MECOM: variants seen among roughly 807,000 people sequenced by gnomAD.
The protein encoded by MECOM is histone-lysine N-methyltransferase MECOM.
MECOM carries 13 observed loss-of-function variants against 116.3 expected under a neutral mutation model. The observed-to-expected ratio is 0.11, with a 90% CI of 0.07 to 0.18. The LOEUF (loss-of-function observed/expected upper bound fraction) is 0.18. MECOM is among the 10% of genes least tolerant of loss of function. The pLI is 1.00. For synonymous variants in MECOM, 528 were observed against 535.2 expected (o/e 0.99, Z 0.19); for missense variants, 1,299 against 1,509.0 (o/e 0.86, Z 2.31).
At chr3:169,180,779 T>G (rs1345077264) in intron 2 of MECOM, among the ~76,000 whole-genome samples, 2 of 94,564 alleles carry the variant, frequency 2.1e-5, no homozygotes, top group Non-Finnish European at 4.5e-5. Flanking sequence ...TATGTATGTG[T>G]GTGTGTGTGG....
At chr3:169,107,370 A>G (rs1725774373) in intron 10 of MECOM, among the ~76,000 whole-genome samples, 2 of 152,176 alleles carry the variant, frequency 1.3e-5, no homozygotes, top group Non-Finnish European at 2.9e-5. Flanking sequence ...TAGTAACTGA[A>G]AGTCAAGGAA....
chr3:169,600,473 G>A (rs140551725), intron 1 of MECOM, among the ~76,000 whole-genome samples: 9 of 152,170 alleles, frequency 5.9e-5, no homozygotes, highest in Admixed American at 1.3e-4. Context: ...ACATGCACAC[G>A]TATCCCTAAA....
In MECOM at chr3:169,116,517, T is replaced by C; in HGVS notation, c.1355A>G (p.Asp452Gly). The C allele has an allele frequency of 6.2e-7, 1 of 1,614,152 alleles. No homozygotes were observed. Among genetic ancestry groups the C allele is most frequent in the Non-Finnish European group, 8.5e-7 (1 of 1,180,026 alleles). Reference sequence around the variant, plus strand: ...ACTCATATTAACCATGGACGTTTTATCCATAGCTGGGGTTCCAGGAAGTGA... The same window carrying C: ...ACTCATATTAACCATGGACGTTTTACCCATAGCTGGGGTTCCAGGAAGTGA... ...GISLPGTPAMDKTSMVNMSHA... is the reference protein window; with the variant it reads ...GISLPGTPAMGKTSMVNMSHA... Residue 452 changes from aspartate to glycine, a missense_variant, in exon 8 of 17, where the codon GAT becomes GGT. Physicochemically the swap from Asp to Gly is moderately conservative, Grantham distance 94. Around this residue, in one of 6 missense-constraint regions of MECOM, gnomAD observed 238 missense variants for 273.1 expected, o/e 0.87. Transcript: ENST00000651503.
chr3:169,243,458 A>C (rs541015088), intron 2 of MECOM, among the ~76,000 whole-genome samples: 4 of 152,186 alleles, frequency 2.6e-5, no homozygotes, highest in Admixed American at 6.5e-5. Context: ...TATAAACTCT[A>C]TTCTAGGGTT....
intron 2 of MECOM, among the ~76,000 whole-genome samples, chr3:169,276,323 A>G (rs809198): frequency 0.34 from 51,609 of 152,082 alleles, 14,624 homozygotes; most frequent in African/African-American, 0.78. Flanking sequence ...AGGCCAAGGC[A>G]GGAGGATCAC....
At chr3:169,190,727 T>A (rs1404741405) in intron 2 of MECOM, among the ~76,000 whole-genome samples, 1 of 151,988 alleles carries the variant, frequency 6.6e-6, no homozygotes, top group Non-Finnish European at 1.5e-5. Context: ...TGGTGTCTCA[T>A]CCAACTTACA....
chr3:169,381,228 C>A lies in MECOM; in HGVS notation c.334G>T (p.Glu112Ter). Residue 112 changes from glutamate to a stop codon, truncating the protein, a stop_gained, in exon 2 of 17, where the codon GAG (glutamate) becomes TAG (stop). Coordinates refer to ENST00000651503, the MANE Select transcript of MECOM (RefSeq NM_004991.4). LOFTEE classifies it high-confidence loss of function. ...VGEKFGPYVG[E>*]QRSNLKDPSY... is the part of the protein sequence containing the mutation. The stretch of plus-strand genomic sequence containing the variant: ...GGGTCTTTCAGGTTTGACCTCTGCT[C>A]TCCCACATAAGGCCCAAACTTTTCA... The A allele has an allele frequency of 6.2e-7, 1 of 1,612,976 alleles. No individual in the cohort carries two copies. The highest frequency in any genetic ancestry group is 1.1e-5 in the South Asian group (1 of 91,028).
intron 1 of MECOM, among the ~76,000 whole-genome samples, chr3:169,382,865 TAAAAA>T (rs1194079538): frequency 1.6e-4 from 7 of 44,812 alleles, no homozygotes; most frequent in African/African-American, 4.7e-4. Flanking sequence ...AAAAAAAAAA[TAAAAA>T]AAATAAAAAA....
intron 1 of MECOM, among the ~76,000 whole-genome samples, chr3:169,415,398 A>G (rs1183792414): frequency 1.3e-5 from 2 of 152,240 alleles, no homozygotes; most frequent in Admixed American, 6.5e-5. Flanking sequence ...AAATATAGAA[A>G]GAAAAAACTG....
chr3:169,178,920 T>G (rs1460710605), intron 2 of MECOM, among the ~76,000 whole-genome samples: 1 of 152,164 alleles, frequency 6.6e-6, no homozygotes, highest in Non-Finnish European at 1.5e-5. Context: ...AACATTCAGA[T>G]TAAGCACTAT....
chr3:169,656,557 A>G (rs920827358), intron 1 of MECOM, among the ~76,000 whole-genome samples: 2 of 152,194 alleles, frequency 1.3e-5, no homozygotes, highest in East Asian at 1.9e-4. Context: ...AATGCCGAAG[A>G]GTATGGTTCC....
At chr3:169,381,736 A>C (rs944958606) in intron 1 of MECOM, among the ~76,000 whole-genome samples, 1 of 152,218 alleles carries the variant, frequency 6.6e-6, no homozygotes, top group Non-Finnish European at 1.5e-5. Flanking sequence ...CCATAAATCA[A>C]ATGAGCTAAT....
intron 1 of MECOM, among the ~76,000 whole-genome samples, chr3:169,423,721 G>A (rs992749985): frequency 6.6e-6 from 1 of 152,030 alleles, no homozygotes; most frequent in African/African-American, 2.4e-5. Context: ...TTCTGATGAG[G>A]AGGCTGAGGT....
At chr3:169,099,204 T>A (rs915575466) in intron 12 of MECOM, among the ~76,000 whole-genome samples, 2 of 150,666 alleles carry the variant, frequency 1.3e-5, no homozygotes, top group African/African-American at 2.4e-5. Flanking sequence ...TTTAAAAAAA[T>A]ATATATGCAC....
At chr3:169,401,088 G>T (rs1735816900) in intron 1 of MECOM, among the ~76,000 whole-genome samples, 1 of 152,196 alleles carries the variant, frequency 6.6e-6, no homozygotes. Context: ...TTCCTAGATA[G>T]GCTCTCAGCT....
At chr3:169,523,770 A>T (rs1757629504) in intron 1 of MECOM, among the ~76,000 whole-genome samples, 1 of 151,916 alleles carries the variant, frequency 6.6e-6, no homozygotes, top group Non-Finnish European at 1.5e-5. Context: ...ATTTTTCAAT[A>T]CAAGTATATC....
intron 2 of MECOM, among the ~76,000 whole-genome samples, chr3:169,252,938 G>A (rs1756421590): frequency 6.6e-6 from 1 of 152,128 alleles, no homozygotes; most frequent in Non-Finnish European, 1.5e-5. Context: ...TTAAGCCCAT[G>A]TGCATTTCAG....
chr3:169,084,674 T>C lies in MECOM; in HGVS notation c.*235A>G, dbSNP rs1717081722. The C allele has an allele frequency of 8.8e-6, 4 of 452,556 alleles. No individual in the cohort carries two copies. Among genetic ancestry groups the C allele is most frequent in the Non-Finnish European group, 1.2e-5 (3 of 258,554 alleles). 28.0% of individuals were successfully genotyped at this position (452,556 alleles called of 1,614,324 possible). A position where few individuals can be genotyped will look rare whatever the true frequency, so the allele number is the denominator to read the frequency against. On this transcript the variant is annotated 3_prime_UTR_variant, in exon 17 of 17. Transcript: ENST00000651503. The stretch of plus-strand genomic sequence containing the variant: ...ACTGAATCACTTTAAGTCGCATTGA[T>C]TGATCTTCCAGAAGTCAGCAGCTGC...
intron 2 of MECOM, among the ~76,000 whole-genome samples, chr3:169,278,116 T>C (rs577685958): frequency 6.6e-6 from 1 of 152,326 alleles, no homozygotes; most frequent in East Asian, 1.9e-4. Flanking sequence ...CTAATAACAA[T>C]GTATAGGGAT....
Sources: allele counts gnomAD v4.1 joint callset (sites outside exome capture counted in the v4.1 genomes callset), GRCh38; gene constraint gnomAD v4.1.1; regional missense constraint gnomAD v4.1.1; transcripts MANE v1.5; gene names NCBI Gene and HGNC (gene_info 2026-07-23, HGNC 2026-07-21).